GRIK1: variants seen among roughly 807,000 people sequenced by gnomAD.
The protein encoded by GRIK1 is glutamate receptor ionotropic, kainate 1.
GRIK1 carries 69 observed loss-of-function variants against 105.7 expected under a neutral mutation model. That is an observed-to-expected ratio of 0.65 (90% confidence interval 0.54 to 0.80). GRIK1 has a LOEUF of 0.80. Ranked by LOEUF, GRIK1 falls within the 30% of genes least tolerant of loss-of-function variation. The pLI is 0.00. For missense variants in GRIK1, 1,109 were observed against 1,167.3 expected, an observed-to-expected ratio of 0.95 and a Z score of 0.73; for synonymous variants, 438 against 431.3, an observed-to-expected ratio of 1.02 and a Z score of -0.19.
intron 1 of GRIK1, among the ~76,000 whole-genome samples, chr21:29,894,922 C>T (rs1004210692): frequency 6.6e-6 from 1 of 152,114 alleles, no homozygotes; most frequent in East Asian, 1.9e-4. Context: ...CTTTCTATTC[C>T]CAACATCTGT....
At chr21:29,727,320 T>G (rs1334249718) in intron 1 of GRIK1, among the ~76,000 whole-genome samples, 1 of 152,222 alleles carries the variant, frequency 6.6e-6, no homozygotes, top group African/African-American at 2.4e-5. Flanking sequence ...TTGGAGTGTT[T>G]TGTTTATCAC....
chr21:29,738,981 A>G (rs907889987), intron 1 of GRIK1, among the ~76,000 whole-genome samples: 2 of 152,236 alleles, frequency 1.3e-5, no homozygotes, highest in Non-Finnish European at 2.9e-5. Flanking sequence ...TTATTTATGT[A>G]TGCATTCATT....
At chr21:29,740,351 G>A (rs1022033877) in intron 1 of GRIK1, among the ~76,000 whole-genome samples, 3 of 151,862 alleles carry the variant, frequency 2.0e-5, no homozygotes, top group African/African-American at 7.3e-5. Context: ...CCGAGTAGTT[G>A]GGACTACAGG....
rs2061320944 is a variant in GRIK1, at chr21:29,590,718, A to G, written c.1365+394T>C. The stretch of plus-strand genomic sequence containing the variant: ...GGTTGTAGAAAGTCAGAGGTTCTGA[A>G]AAAACTACTAGTAGCAGTTGGGAGG... On this transcript the variant is annotated intron_variant, in intron 10 of 17. Coordinates refer to ENST00000327783, the MANE Select transcript of GRIK1 (RefSeq NM_001330994.2). Among the ~76,000 whole-genome samples the G allele has an allele frequency of 2.0e-5, 3 of 152,204 alleles. No homozygotes were observed. In the South Asian group the frequency reaches 6.2e-4, roughly 31 times the overall value.
intron 1 of GRIK1, among the ~76,000 whole-genome samples, chr21:29,706,394 G>T (rs1485476745): frequency 1.3e-5 from 2 of 152,074 alleles, no homozygotes; most frequent in Non-Finnish European, 2.9e-5. Flanking sequence ...CATTTACCAC[G>T]ACACTTTTCC....
At chr21:29,723,431 T>C (rs1353423719) in intron 1 of GRIK1, among the ~76,000 whole-genome samples, 4 of 152,244 alleles carry the variant, frequency 2.6e-5, no homozygotes, top group Non-Finnish European at 5.9e-5. Context: ...TGAGCTATAT[T>C]TATCTTCCGA....
intron 10 of GRIK1, among the ~76,000 whole-genome samples, chr21:29,589,283 T>G (rs933137287): frequency 6.6e-6 from 1 of 152,070 alleles, no homozygotes; most frequent in Non-Finnish European, 1.5e-5. Flanking sequence ...GGTGGGGCTG[T>G]GCGGGAATGG....
chr21:29,606,814 T>C (rs1601248236), intron 7 of GRIK1, among the ~76,000 whole-genome samples: 1 of 152,166 alleles, frequency 6.6e-6, no homozygotes, highest in South Asian at 2.1e-4. Context: ...TCTTGTCTTG[T>C]CTTGTGATTA....
At chr21:29,566,310 A>T (rs2090609627) in intron 14 of GRIK1, among the ~76,000 whole-genome samples, 1 of 152,214 alleles carries the variant, frequency 6.6e-6, no homozygotes, top group Admixed American at 6.5e-5. Flanking sequence ...AATATTTGGA[A>T]TGTCTTCTGA....
chr21:29,860,739 A>T (rs1016977758), intron 1 of GRIK1, among the ~76,000 whole-genome samples: 1 of 152,202 alleles, frequency 6.6e-6, no homozygotes, highest in South Asian at 2.1e-4. Flanking sequence ...AAAAATTTAA[A>T]TTGTAGAGTG....
intron 1 of GRIK1, among the ~76,000 whole-genome samples, chr21:29,915,147 C>A (rs2070950661): frequency 1.3e-5 from 2 of 151,836 alleles, no homozygotes; most frequent in South Asian, 2.1e-4. Flanking sequence ...TCCATCTATT[C>A]TGTTAATTCT....
intron 7 of GRIK1, among the ~76,000 whole-genome samples, chr21:29,642,538 T>C (rs1407129122): frequency 6.6e-6 from 1 of 152,208 alleles, no homozygotes; most frequent in Non-Finnish European, 1.5e-5. Context: ...CATATGCCCT[T>C]ATGGACATGT....
chr21:29,605,077 A>C (rs2061586773), intron 7 of GRIK1, among the ~76,000 whole-genome samples: 1 of 152,094 alleles, frequency 6.6e-6, no homozygotes, highest in South Asian at 2.1e-4. Flanking sequence ...TTTTGTGTTA[A>C]GATCAGGGGT....
At chr21:29,599,957 A>AGG (rs2061488606) in intron 7 of GRIK1, among the ~76,000 whole-genome samples, 1 of 152,056 alleles carries the variant, frequency 6.6e-6, no homozygotes, top group Admixed American at 6.5e-5. Flanking sequence ...GTGGTGGCGC[A>AGG]TGCTTGTAAT....
chr21:29,889,298 TA>T (rs139549108), intron 1 of GRIK1, among the ~76,000 whole-genome samples: 1,781 of 152,210 alleles, frequency 0.012, 43 homozygotes, highest in African/African-American at 0.04. Context: ...ATTTTTAACA[TA>T]AAAAAGGTGG....
At chr21:29,574,225 G>A (rs2090829543) in intron 14 of GRIK1, among the ~76,000 whole-genome samples, 1 of 152,160 alleles carries the variant, frequency 6.6e-6, no homozygotes, top group Non-Finnish European at 1.5e-5. Context: ...TTTCAGATAA[G>A]GGATCCACAG....
chr21:29,712,406 T>G (rs556493081), intron 1 of GRIK1, among the ~76,000 whole-genome samples: 1 of 152,250 alleles, frequency 6.6e-6, no homozygotes, highest in South Asian at 2.1e-4. Context: ...TATAAAATTA[T>G]AACATATTAT....
intron 1 of GRIK1, among the ~76,000 whole-genome samples, chr21:29,776,238 G>T (rs567811497): frequency 6.6e-6 from 1 of 152,084 alleles, no homozygotes; most frequent in South Asian, 2.1e-4. Flanking sequence ...ATTTTGAGTG[G>T]GGACACTGCC....
intron 1 of GRIK1, among the ~76,000 whole-genome samples, chr21:29,831,594 G>C (rs746563933): frequency 6.6e-6 from 1 of 151,996 alleles, no homozygotes; most frequent in African/African-American, 2.4e-5. Flanking sequence ...GAGAGTGAAG[G>C]GGGAGGTGCT....
Sources: gnomAD v4.1 joint callset for allele counts (sites outside exome capture counted in the v4.1 genomes callset) on GRCh38, gnomAD v4.1.1 for gene constraint, MANE v1.5 for transcripts, NCBI Gene and HGNC (gene_info 2026-07-23, HGNC 2026-07-21) for gene names.